CNTRL: variants seen among roughly 807,000 people sequenced by gnomAD.
The protein encoded by CNTRL is 110 kDa centrosomal protein.
CNTRL carries 233 observed loss-of-function variants against 303.7 expected under a neutral mutation model. The ratio of observed to expected loss-of-function variants is 0.77; its 90% CI spans 0.69 to 0.86. CNTRL has a LOEUF of 0.86. Ranked by LOEUF, CNTRL falls within the 40% of genes least tolerant of loss-of-function variation. The pLI, the probability that CNTRL is intolerant of heterozygous loss-of-function variation, is 0.00. For missense variants in CNTRL, 2,524 were observed against 2,650.6 expected (o/e 0.95, Z 1.05); for synonymous variants, 900 against 922.2 (o/e 0.98, Z 0.44).
chr9:121,118,061 C>G (rs894002173), intron 11 of CNTRL, among the ~76,000 whole-genome samples: 12 of 151,390 alleles, frequency 7.9e-5, no homozygotes, highest in South Asian at 2.1e-4. Flanking sequence ...ATTATTAATA[C>G]TATGTTTATT....
intron 42 of CNTRL, among the ~76,000 whole-genome samples, chr9:121,174,355 C>T (rs1230688406): frequency 6.6e-6 from 1 of 152,110 alleles, no homozygotes; most frequent in African/African-American, 2.4e-5. Context: ...TGATGTCCAA[C>T]AATAGTCTCC....
chr9:121,082,651 C>T (rs1215047657), intron 2 of CNTRL, among the ~76,000 whole-genome samples: 1 of 152,098 alleles, frequency 6.6e-6, no homozygotes, highest in Non-Finnish European at 1.5e-5. Context: ...GCAGTTGTAG[C>T]ACCATGGTAA....
chr9:121,157,471 C>CA lies in CNTRL; in HGVS notation c.4373dup (p.Asn1458LysfsTer4), dbSNP rs1564287685. The stretch of plus-strand genomic sequence containing the variant: ...TTTTAATGACAGTTTCTTTTCTAGA[C>CA]AAAAAATGCTGTTGAAAAGTTCACT... On this transcript the variant is annotated frameshift_variant and splice_region_variant, in exon 28 of 44. Coordinates refer to ENST00000373855, the MANE Select transcript of CNTRL (RefSeq NM_007018.6). LOFTEE classifies it high-confidence loss of function. The CA allele has an allele frequency of 6.8e-6, 11 of 1,612,658 alleles. No individual in the cohort carries two copies. The highest frequency in any genetic ancestry group is 9.3e-6 in the Non-Finnish European group (11 of 1,179,474).
At position 121,098,373 on chromosome 9, in the gene CNTRL, T is replaced by A. The variant is rs2048980745; in HGVS notation, c.622-13T>A. 1 of 1,556,274 alleles carries A rather than the reference T, an allele frequency of 6.4e-7. No individual in the cohort carries two copies. Among genetic ancestry groups the A allele is most frequent in the Non-Finnish European group, 8.8e-7 (1 of 1,132,418 alleles). ...AATTAAATTATACCAATACTAATGT[T>A]ATATCATTTCAGCTCCAAGATATAA... On this transcript the variant is annotated splice_polypyrimidine_tract_variant and intron_variant, in intron 6 of 43. Transcript: ENST00000373855.
At chr9:121,082,221 G>A (rs1160801282) in intron 2 of CNTRL, among the ~76,000 whole-genome samples, 1 of 152,196 alleles carries the variant, frequency 6.6e-6, no homozygotes, top group African/African-American at 2.4e-5. Context: ...GATAGAAAAG[G>A]GAAGTGAGGT....
In CNTRL at chr9:121,145,333, A is replaced by G. The variant is rs759343441; in HGVS notation, c.3258A>G (p.Arg1086=). The change falls in exon 22 of 44, where the codon CGA becomes CGG. Residue 1086 remains arginine (R), a synonymous_variant. Coordinates refer to ENST00000373855, the MANE Select transcript of CNTRL (RefSeq NM_007018.6). Reference sequence around the variant, plus strand: ...AGAAACTGAATGAGACAATGGAACGACAAAGGACAGAGATTGCAAGGCTGC... The same window carrying G: ...AGAAACTGAATGAGACAATGGAACGGCAAAGGACAGAGATTGCAAGGCTGC... ...EIEKLNETME[R]QRTEIARLQN... The G allele has an allele frequency of 1.9e-6, 3 of 1,614,010 alleles. No homozygotes were observed. The highest frequency in any genetic ancestry group is 2.7e-5 in the African/African-American group (2 of 74,932).
Position 121,160,251 on chromosome 9 carries a change from G to A in CNTRL, c.5038G>A (p.Glu1680Lys), listed in dbSNP as rs1262633574. Reference sequence around the variant, plus strand: ...ACTTATAAAGCAGGAAATTGAAAAAGAGGAAGAAAATCTTCAGGTTGTTTT... The same window carrying A: ...ACTTATAAAGCAGGAAATTGAAAAAAAGGAAGAAAATCTTCAGGTTGTTTT... ...LTLIKQEIEK[E>K]EENLQVVLRQ... Residue 1680 changes from glutamate (E) to lysine (K), a missense_variant, in exon 32 of 44, where the codon GAG becomes AAG. By Grantham distance (56) the Glu-to-Lys change is moderately conservative (BLOSUM62 1). Coordinates refer to ENST00000373855, the MANE Select transcript of CNTRL (RefSeq NM_007018.6). The A allele has an allele frequency of 3.2e-6, 5 of 1,557,052 alleles. No individual in the cohort carries two copies. The highest frequency in any genetic ancestry group is 4.3e-6 in the Non-Finnish European group (5 of 1,157,636).
In CNTRL at chr9:121,175,014, T is replaced by G; in HGVS notation, c.6748-4T>G. On this transcript the variant is annotated splice_region_variant and splice_polypyrimidine_tract_variant and intron_variant, in intron 42 of 43. Transcript: ENST00000373855. ...AAAACCCTAAGTCTTATCACACTTT[T>G]CAGGCCCAACTCCGACACTGTATGT... 3 of 1,613,544 alleles carry G rather than the reference T, an allele frequency of 1.9e-6. No individual in the cohort carries two copies. Among genetic ancestry groups the G allele is most frequent in the Non-Finnish European group, 2.5e-6 (3 of 1,179,760 alleles).
intron 11 of CNTRL, among the ~76,000 whole-genome samples, chr9:121,115,516 G>A (rs756889700): frequency 6.6e-5 from 10 of 151,808 alleles, no homozygotes; most frequent in Non-Finnish European, 1.5e-4. Context: ...TAAGATCCTG[G>A]GACTTAGATT....
intron 8 of CNTRL, among the ~76,000 whole-genome samples, chr9:121,108,270 T>C (rs1005053354): frequency 9.2e-5 from 14 of 152,208 alleles, no homozygotes; most frequent in African/African-American, 2.9e-4. Context: ...CAAAAACATT[T>C]AGAAGGCGAT....
chr9:121,086,842 G>A (rs1355104393), intron 2 of CNTRL, among the ~76,000 whole-genome samples: 7 of 152,058 alleles, frequency 4.6e-5, no homozygotes, highest in African/African-American at 1.7e-4. Context: ...TAGTAGAGAC[G>A]GGGTTTTGCC....
intron 7 of CNTRL, among the ~76,000 whole-genome samples, chr9:121,101,401 G>T (rs780943105): frequency 6.6e-6 from 1 of 152,206 alleles, no homozygotes; most frequent in Non-Finnish European, 1.5e-5. Flanking sequence ...GTTTAAAGCA[G>T]TGTGTAGAGG....
chr9:121,119,593 C>T (rs929697522), intron 12 of CNTRL, among the ~76,000 whole-genome samples: 2 of 150,462 alleles, frequency 1.3e-5, no homozygotes, highest in Non-Finnish European at 1.5e-5. Context: ...CATGCCCTGC[C>T]GAAGCGATTC....
chr9:121,088,108 C>G (rs2048418125), intron 2 of CNTRL, among the ~76,000 whole-genome samples, 188 bp from the exon 3 acceptor site: 1 of 152,166 alleles, frequency 6.6e-6, no homozygotes, highest in African/African-American at 2.4e-5. Flanking sequence ...CTCTGGAGAT[C>G]CCTTTTCTCT....
At position 121,128,405 on chromosome 9, in the gene CNTRL, G is replaced by C. The variant is rs1317316690; in HGVS notation, c.2025+2469G>C. Among the ~76,000 whole-genome samples the C allele has an allele frequency of 2.0e-5, 3 of 152,198 alleles. No individual in the cohort carries two copies. The East Asian group carries it at 5.8e-4, about 29-fold the overall frequency. ...TTTCTCTGATGGCCAGTGATGATGA[G>C]CATTTTTTCATGTGTCTGTTGGCTG... On this transcript the variant is annotated intron_variant, in intron 14 of 43. Coordinates refer to ENST00000373855, the MANE Select transcript of CNTRL (RefSeq NM_007018.6).
intron 8 of CNTRL, among the ~76,000 whole-genome samples, chr9:121,108,241 A>G (rs10985158): frequency 6.6e-5 from 10 of 152,192 alleles, no homozygotes; most frequent in Non-Finnish European, 1.2e-4. Context: ...ACAACATTGT[A>G]GGTGAGGCTG....
At position 121,167,582 on chromosome 9, in the gene CNTRL, G is replaced by T. The variant is rs1325655125; in HGVS notation, c.5749G>T (p.Asp1917Tyr). 2 of 1,614,046 alleles carry T rather than the reference G, an allele frequency of 1.2e-6. No homozygotes were observed. Among genetic ancestry groups the T allele is most frequent in the African/African-American group, 2.7e-5 (2 of 74,936 alleles). Residue 1917 changes from aspartate (D) to tyrosine (Y), a missense_variant, in exon 37 of 44, where the codon GAC (aspartate) becomes TAC (tyrosine). Asp to Tyr is a radical substitution (Grantham distance 160). Transcript: ENST00000373855. ...CAGTGAATGGGCAAATAGGTTTGAAGACTGTCAGAAAGAAGAGGAGACAAA... is the reference window on the plus strand; with the variant it reads ...CAGTGAATGGGCAAATAGGTTTGAATACTGTCAGAAAGAAGAGGAGACAAA... ...DISEWANRFEDCQKEEETKQQ... is the reference protein window; with the variant it reads ...DISEWANRFEYCQKEEETKQQ...
At position 121,167,684 on chromosome 9, in the gene CNTRL, C is replaced by A; in HGVS notation, c.5844+7C>A. ...ACTAGTCCAACAAGAAATGGTACTA[C>A]ACATTTATGATTTTACATAAAAAAA... On this transcript the variant is annotated splice_region_variant and intron_variant, in intron 37 of 43. Coordinates refer to ENST00000373855, the MANE Select transcript of CNTRL (RefSeq NM_007018.6). 1.2e-6 allele frequency: 2 copies of A among 1,606,540 alleles called. No homozygotes were observed. The highest frequency in any genetic ancestry group is 1.7e-6 in the Non-Finnish European group (2 of 1,176,326).
intron 15 of CNTRL, among the ~76,000 whole-genome samples, chr9:121,138,188 T>C (rs1055371324): frequency 2.0e-5 from 3 of 152,192 alleles, no homozygotes; most frequent in Admixed American, 2.0e-4. Context: ...TTGATACAGT[T>C]TTTTTGAGGA....
Sources: gnomAD v4.1 joint callset for allele counts (sites outside exome capture counted in the v4.1 genomes callset) on GRCh38, gnomAD v4.1.1 for gene constraint, MANE v1.5 for transcripts, NCBI Gene and HGNC (gene_info 2026-07-23, HGNC 2026-07-21) for gene names.